Variants in GASK1B observed in about 807,000 individuals in gnomAD.
GASK1B encodes golgi associated kinase 1B.
In GASK1B, 34 loss-of-function variants were observed where a neutral mutation model predicts 42.8. That is an observed-to-expected ratio of 0.79 (90% confidence interval 0.60 to 1.06). The LOEUF is 1.06. GASK1B is among the 50% of genes least tolerant of loss of function. The pLI, the probability that GASK1B is intolerant of heterozygous loss-of-function variation, is 0.00. For synonymous variants in GASK1B, 262 were observed against 259.1 expected, an observed-to-expected ratio of 1.01 and a Z score of -0.11; for missense variants, 686 against 661.0, an observed-to-expected ratio of 1.04 and a Z score of -0.42.
At chr4:158,149,703 T>G (rs1731472756) in intron 3 of GASK1B, among the ~76,000 whole-genome samples, 1 of 152,206 alleles carries the variant, frequency 6.6e-6, no homozygotes, top group East Asian at 1.9e-4. Flanking sequence ...CATTCTCCAC[T>G]TTATTACTAT....
At chr4:158,133,120 C>T (rs2110932527) in intron 3 of GASK1B, among the ~76,000 whole-genome samples, 1 of 152,252 alleles carries the variant, frequency 6.6e-6, no homozygotes. Context: ...AAAGAGACTG[C>T]ATCTGATTGC....
chr4:158,151,057 C>A (rs1166607373), intron 3 of GASK1B, among the ~76,000 whole-genome samples: 1 of 152,130 alleles, frequency 6.6e-6, no homozygotes, highest in African/African-American at 2.4e-5. Context: ...CTAAGGCCAT[C>A]CTAAATTTCC....
At chr4:158,151,944 T>C (rs1579032703) in intron 3 of GASK1B, among the ~76,000 whole-genome samples, 4 of 152,196 alleles carry the variant, frequency 2.6e-5, no homozygotes, top group Admixed American at 6.5e-5. Flanking sequence ...TCAATCTGGG[T>C]GGGCACCGTC....
In GASK1B at chr4:158,130,772, A is replaced by C; in HGVS notation, c.1352+14T>G. Reference sequence around the variant, plus strand: ...ATAAATGTGATGTCCTGCAGATGTTACTATAAAACTTACTCTTTGATGCCT... The same window carrying C: ...ATAAATGTGATGTCCTGCAGATGTTCCTATAAAACTTACTCTTTGATGCCT... On this transcript the variant is annotated intron_variant, in intron 4 of 4. Transcript: ENST00000585682. 6.3e-7 allele frequency: 1 copy of C among 1,579,582 alleles called. No individual in the cohort carries two copies. The highest frequency in any genetic ancestry group is 8.7e-7 in the Non-Finnish European group (1 of 1,150,848).
chr4:158,156,662 C>T (rs1731772224), intron 2 of GASK1B, among the ~76,000 whole-genome samples: 1 of 152,154 alleles, frequency 6.6e-6, no homozygotes. Context: ...ACACTTTAAG[C>T]TTAAAACCAA....
chr4:158,172,139 T>C (rs1208914385), intron 1 of GASK1B: 1 of 152,134 alleles, frequency 6.6e-6, no homozygotes, highest in Non-Finnish European at 1.5e-5. Context: ...TTGGAAGCAG[T>C]TGCATTTATT....
In GASK1B at chr4:158,170,667, G is replaced by GC. The variant is rs759445006; in HGVS notation, c.708dup (p.Pro237AlafsTer5). 29 of 1,614,060 alleles carry GC rather than the reference G, an allele frequency of 1.8e-5. No homozygotes were observed. In the South Asian group the frequency reaches 3.0e-4, roughly 16 times the overall value. Reference sequence around the variant, plus strand: ...CGGGCTCCGCTCCTAGAGGACACAGGCCGGAGCCCTGCCACTGCGCTGTCC... The same window carrying GC: ...CGGGCTCCGCTCCTAGAGGACACAGGCCCGGAGCCCTGCCACTGCGCTGTCC... On this transcript the variant is annotated frameshift_variant, in exon 2 of 5. Transcript: ENST00000585682. LOFTEE classifies it high-confidence loss of function.
chr4:158,128,739 G>C (rs1730554956), intron 4 of GASK1B, among the ~76,000 whole-genome samples: 1 of 152,224 alleles, frequency 6.6e-6, no homozygotes, highest in South Asian at 2.1e-4. Context: ...GCTGCAGAAA[G>C]AACAAAGGCC....
rs1473122414 is a variant in GASK1B, at chr4:158,126,324, A to C, written c.*1083T>G. On this transcript the variant is annotated 3_prime_UTR_variant, in exon 5 of 5. Transcript: ENST00000585682. ...ATTATTTGAGGCTTAATATTGTCCA[A>C]ATTTACTGTTTTAGTTCTAGTCATG... The C allele has an allele frequency of 3.9e-5, 6 of 152,096 alleles. No homozygotes were observed. Among genetic ancestry groups the C allele is most frequent in the Admixed American group, 3.9e-4 (6 of 15,258 alleles). The allele number at this position is 152,096 out of a possible 1,614,324, so 9.4% of individuals were successfully genotyped here. A position where few individuals can be genotyped will look rare whatever the true frequency, so the allele number is the denominator to read the frequency against.
intron 3 of GASK1B, among the ~76,000 whole-genome samples, chr4:158,142,190 C>A (rs1460476751): frequency 6.6e-6 from 1 of 150,988 alleles, no homozygotes; most frequent in African/African-American, 2.4e-5. Context: ...ATGATCCACC[C>A]GCCTCGGCCT....
chr4:158,129,384 A>G (rs577688025), intron 4 of GASK1B, among the ~76,000 whole-genome samples: 1 of 152,314 alleles, frequency 6.6e-6, no homozygotes, highest in African/African-American at 2.4e-5. Flanking sequence ...AGCTTAAAAG[A>G]GAGAACCTGC....
At chr4:158,152,602 C>T (rs1432988078) in intron 3 of GASK1B, among the ~76,000 whole-genome samples, 1 of 151,680 alleles carries the variant, frequency 6.6e-6, no homozygotes, top group Non-Finnish European at 1.5e-5. Context: ...AAATCCTCAA[C>T]AAAATACTAG....
At chr4:158,164,824 C>T (rs759585067) in intron 2 of GASK1B, among the ~76,000 whole-genome samples, 18 of 152,188 alleles carry the variant, frequency 1.2e-4, no homozygotes, top group Non-Finnish European at 2.5e-4. Flanking sequence ...GCCTCGGCAA[C>T]TGCACTTTCA....
intron 2 of GASK1B, among the ~76,000 whole-genome samples, chr4:158,166,565 G>A (rs1222311242): frequency 1.3e-5 from 2 of 152,092 alleles, no homozygotes; most frequent in Non-Finnish European, 2.9e-5. Context: ...ATGTTTGTAA[G>A]AGTCCCCAGG....
Position 158,126,411 on chromosome 4 carries a change from G to T in GASK1B, c.*996C>A, listed in dbSNP as rs11551133. ...GCTCATATTACTCATGTTGAAATAAGCCAGATAATATATTGAAACACACTC... is the reference window on the plus strand; with the variant it reads ...GCTCATATTACTCATGTTGAAATAATCCAGATAATATATTGAAACACACTC... On this transcript the variant is annotated 3_prime_UTR_variant, in exon 5 of 5. Coordinates refer to ENST00000585682, the MANE Select transcript of GASK1B (RefSeq NM_001128424.2). 3.3e-5 allele frequency: 5 copies of T among 152,038 alleles called. No individual in the cohort carries two copies. Among genetic ancestry groups the T allele is most frequent in the Non-Finnish European group, 7.4e-5 (5 of 67,990 alleles). 9.4% of individuals were successfully genotyped at this position (152,038 alleles called of 1,614,324 possible). A position where few individuals can be genotyped will look rare whatever the true frequency, so the allele number is the denominator to read the frequency against.
chr4:158,130,046 CCTT>C (rs1467055504), intron 4 of GASK1B, among the ~76,000 whole-genome samples: 1 of 152,192 alleles, frequency 6.6e-6, no homozygotes, highest in Non-Finnish European at 1.5e-5. Context: ...TTGCAGAACT[CCTT>C]CTTTGGTTCC....
At chr4:158,163,305 T>G (rs1732098242) in intron 2 of GASK1B, among the ~76,000 whole-genome samples, 3 of 152,236 alleles carry the variant, frequency 2.0e-5, no homozygotes, top group Non-Finnish European at 4.4e-5. Flanking sequence ...GCACAGTGGC[T>G]CACGCCTGTA....
chr4:158,141,739 T>C (rs1248997487), intron 3 of GASK1B, among the ~76,000 whole-genome samples: 3 of 148,386 alleles, frequency 2.0e-5, no homozygotes, highest in Non-Finnish European at 4.5e-5. Context: ...CCCGAGTAGC[T>C]GGGACTGCAG....
intron 3 of GASK1B, among the ~76,000 whole-genome samples, chr4:158,135,492 G>A (rs1421632747): frequency 6.6e-6 from 1 of 151,730 alleles, no homozygotes; most frequent in African/African-American, 2.4e-5. Flanking sequence ...AATCCTCATA[G>A]TAACCTTAAG....
Sources: gnomAD v4.1 joint callset for allele counts (sites outside exome capture counted in the v4.1 genomes callset) on GRCh38, gnomAD v4.1.1 for gene constraint, MANE v1.5 for transcripts, NCBI Gene and HGNC (gene_info 2026-07-23, HGNC 2026-07-21) for gene names.